Variants in SLC10A7 observed in about 807,000 individuals in gnomAD.
SLC10A7 encodes the protein solute carrier family 10 member 7, also known as sodium/bile acid cotransporter 7.
Under a neutral mutation model 43.2 loss-of-function variants are expected in SLC10A7, and 29 were observed. The observed-to-expected ratio is 0.67, with a 90% CI of 0.50 to 0.92. The LOEUF (loss-of-function observed/expected upper bound fraction) is 0.92. SLC10A7 is among the 40% of genes least tolerant of loss of function. The probability of loss-of-function intolerance (pLI) is 0.00; values close to 1 mark genes in which losing one functional copy is unlikely to be tolerated. For synonymous variants in SLC10A7, 152 were observed against 144.8 expected, an observed-to-expected ratio of 1.05 and a Z score of -0.35; for missense variants, 295 against 403.2, an observed-to-expected ratio of 0.73 and a Z score of 2.30.
intron 11 of SLC10A7, 40 bp from the exon 12 acceptor site, chr4:146,256,560 C>T: frequency 6.2e-7 from 1 of 1,610,654 alleles, no homozygotes; most frequent in Non-Finnish European, 8.5e-7. Context: ...GGACAGTATC[C>T]ATGAGGAAAG....
At chr4:146,302,991 A>T (rs1352437923) in intron 7 of SLC10A7, among the ~76,000 whole-genome samples, 6 of 152,166 alleles carry the variant, frequency 3.9e-5, no homozygotes, top group African/African-American at 1.4e-4. Flanking sequence ...AGGTGAGTAA[A>T]ATATGTCAGC....
chr4:146,418,963 C>T (rs1302779504), intron 5 of SLC10A7, among the ~76,000 whole-genome samples: 1 of 152,132 alleles, frequency 6.6e-6, no homozygotes, highest in Non-Finnish European at 1.5e-5. Context: ...TTGTGTTTGC[C>T]AGATTATGAT....
In SLC10A7 at chr4:146,480,351, C is replaced by T. The variant is rs1006036580; in HGVS notation, c.396+23498G>A. Among the ~76,000 whole-genome samples the T allele has an allele frequency of 5.9e-5, 9 of 152,084 alleles. No individual in the cohort carries two copies. In the East Asian group the frequency reaches 1.4e-3, roughly 23 times the overall value. Reference sequence around the variant, plus strand: ...TTTATATAAATTGTGCTTCAGTTTGCTGTATTTAAAAAATTACCCCCAAAT... The same window carrying T: ...TTTATATAAATTGTGCTTCAGTTTGTTGTATTTAAAAAATTACCCCCAAAT... On this transcript the variant is annotated intron_variant, in intron 4 of 11. Coordinates refer to ENST00000335472, the MANE Select transcript of SLC10A7 (RefSeq NM_001029998.6).
intron 3 of SLC10A7, among the ~76,000 whole-genome samples, chr4:146,504,518 C>CAAAAAAAA: frequency 1.1e-5 from 1 of 88,574 alleles, no homozygotes; most frequent in Non-Finnish European, 2.3e-5. Flanking sequence ...GACTCCGTCT[C>CAAAAAAAA]AAAAAAAAAA....
intron 5 of SLC10A7, among the ~76,000 whole-genome samples, chr4:146,348,270 A>G (rs923536332): frequency 6.6e-6 from 1 of 152,214 alleles, no homozygotes; most frequent in African/African-American, 2.4e-5. Flanking sequence ...TGGGAGCACA[A>G]GGACTATAAA....
intron 5 of SLC10A7, among the ~76,000 whole-genome samples, chr4:146,405,719 C>T (rs1727628447): frequency 6.6e-6 from 1 of 151,972 alleles, no homozygotes; most frequent in Non-Finnish European, 1.5e-5. Context: ...TGTACAAATA[C>T]CTTGGATATT....
At chr4:146,433,228 CT>C (rs1729927731) in intron 5 of SLC10A7, among the ~76,000 whole-genome samples, 1 of 141,460 alleles carries the variant, frequency 7.1e-6, no homozygotes, top group Non-Finnish European at 1.5e-5. Flanking sequence ...GTGGCGTGAT[CT>C]CAGCTCACTG....
rs187075078 is a variant in SLC10A7 at position 146,319,994 on chromosome 4, T to G, written c.471+5967A>C. Among the ~76,000 whole-genome samples, 393 of 152,196 alleles carry G rather than the reference T, an allele frequency of 2.6e-3. 2 individuals are homozygous for G. The highest frequency in any genetic ancestry group is 7.9e-3 in the South Asian group (38 of 4,830). ...GGTGGGTGGGACCACGTAAAATTTC[T>G]CTGATTGCTTATTTCCTCATCAGCC... On this transcript the variant is annotated intron_variant, in intron 6 of 11. Transcript: ENST00000335472.
rs891227017 is a variant in SLC10A7 at position 146,303,870 on chromosome 4, T to C, written c.555+2056A>G. On this transcript the variant is annotated intron_variant, in intron 7 of 11. Coordinates refer to ENST00000335472, the MANE Select transcript of SLC10A7 (RefSeq NM_001029998.6). Reference sequence around the variant, plus strand: ...CAACAACCCTTTACGATAGATATTATTGTCATAATATTTAATAAATTATGA... The same window carrying C: ...CAACAACCCTTTACGATAGATATTACTGTCATAATATTTAATAAATTATGA... Among the ~76,000 whole-genome samples the C allele has an allele frequency of 3.2e-4, 49 of 151,930 alleles. No individual in the cohort carries two copies. The East Asian group carries it at 9.3e-3, about 29-fold the overall frequency.
At chr4:146,421,118 TG>T (rs1413717661) in intron 5 of SLC10A7, among the ~76,000 whole-genome samples, 1 of 152,150 alleles carries the variant, frequency 6.6e-6, no homozygotes, top group East Asian at 1.9e-4. Context: ...CATTTATGAA[TG>T]CTTGCTAATG....
intron 5 of SLC10A7, among the ~76,000 whole-genome samples, chr4:146,420,144 A>C (rs1451633777): frequency 1.3e-5 from 2 of 152,160 alleles, no homozygotes; most frequent in Non-Finnish European, 2.9e-5. Context: ...AAGACTGTCT[A>C]TTCACTTAAC....
chr4:146,362,293 A>G (rs1267032389), intron 5 of SLC10A7, among the ~76,000 whole-genome samples: 1 of 152,126 alleles, frequency 6.6e-6, no homozygotes. Context: ...CTACTCCAAG[A>G]CATATAATAA....
At chr4:146,509,886 G>A (rs377055652) in intron 3 of SLC10A7, 27 bp downstream of exon 3, 10 of 1,599,338 alleles carry the variant, frequency 6.3e-6, no homozygotes, top group Non-Finnish European at 7.7e-6. Flanking sequence ...ATTAAAAGTG[G>A]ACCCACTTTT....
intron 6 of SLC10A7, among the ~76,000 whole-genome samples, chr4:146,320,094 G>A (rs1357759049): frequency 6.6e-6 from 1 of 152,052 alleles, no homozygotes; most frequent in African/African-American, 2.4e-5. Flanking sequence ...GGTGTGAAAT[G>A]ATCCTCTAGA....
intron 10 of SLC10A7, among the ~76,000 whole-genome samples, chr4:146,268,790 G>C (rs1383858209): frequency 2.0e-5 from 3 of 152,194 alleles, no homozygotes; most frequent in African/African-American, 7.2e-5. Flanking sequence ...ACTAGCTCTA[G>C]AGTCTGTGCT....
chr4:146,482,482 T>C (rs867861965), intron 4 of SLC10A7, among the ~76,000 whole-genome samples: 1 of 149,670 alleles, frequency 6.7e-6, no homozygotes, highest in Non-Finnish European at 1.5e-5. Context: ...AAATAAAAAA[T>C]GAAATATAGA....
intron 7 of SLC10A7, among the ~76,000 whole-genome samples, chr4:146,301,433 G>A (rs1731154664): frequency 6.6e-6 from 1 of 152,170 alleles, no homozygotes. Flanking sequence ...AAGGGCTTTG[G>A]GGCCATGCAA....
intron 5 of SLC10A7, among the ~76,000 whole-genome samples, chr4:146,409,292 T>C (rs1030844327): frequency 6.6e-6 from 1 of 151,080 alleles, no homozygotes; most frequent in Non-Finnish European, 1.5e-5. Flanking sequence ...AATAACACTT[T>C]TGCTTCCAAA....
intron 7 of SLC10A7, among the ~76,000 whole-genome samples, chr4:146,300,541 G>T (rs1329168915): frequency 1.3e-5 from 2 of 152,116 alleles, no homozygotes; most frequent in African/African-American, 4.8e-5. Flanking sequence ...CCTGCCTGTG[G>T]AATGCTCCCC....
Sources: gnomAD v4.1 joint callset for allele counts (sites outside exome capture counted in the v4.1 genomes callset) on GRCh38, gnomAD v4.1.1 for gene constraint, MANE v1.5 for transcripts, NCBI Gene and HGNC (gene_info 2026-07-23, HGNC 2026-07-21) for gene names.